The following NOL10 variants were observed in gnomAD, a reference collection of about 807,000 sequenced individuals.
The protein encoded by NOL10 is nucleolar protein 10.
NOL10 carries 58 observed loss-of-function variants against 103.5 expected under a neutral mutation model. That is an observed-to-expected ratio of 0.56 (90% CI 0.45 to 0.70). The LOEUF is 0.70. Ranked by LOEUF, NOL10 falls within the 30% of genes least tolerant of loss-of-function variation. The pLI is 0.00. For missense variants in NOL10, 763 were observed against 807.3 expected, an observed-to-expected ratio of 0.95 and a Z score of 0.67; for synonymous variants, 287 against 282.5, an observed-to-expected ratio of 1.02 and a Z score of -0.16.
At chr2:10,627,699 C>CAAAAA (rs111536913) in intron 13 of NOL10, among the ~76,000 whole-genome samples, 1 of 135,192 alleles carries the variant, frequency 7.4e-6, no homozygotes, top group East Asian at 2.0e-4. Context: ...AACAAACAAA[C>CAAAAA]AAAAAAAAAC....
intron 11 of NOL10, among the ~76,000 whole-genome samples, chr2:10,655,795 A>C (rs886464195): frequency 6.6e-6 from 1 of 152,250 alleles, no homozygotes; most frequent in African/African-American, 2.4e-5. Context: ...AAAGTCTGAC[A>C]CTAGGATGGA....
chr2:10,676,329 A>C (rs1681304124), intron 3 of NOL10, among the ~76,000 whole-genome samples: 1 of 152,232 alleles, frequency 6.6e-6, no homozygotes, highest in Non-Finnish European at 1.5e-5. Context: ...ACAGAAATAT[A>C]TCCACAAGCC....
chr2:10,633,759 C>T (rs1217528560), intron 13 of NOL10, among the ~76,000 whole-genome samples: 1 of 151,664 alleles, frequency 6.6e-6, no homozygotes, highest in African/African-American at 2.4e-5. Context: ...AGAAGAGTAA[C>T]ACAATCTGAT....
intron 12 of NOL10, among the ~76,000 whole-genome samples, chr2:10,645,944 T>TACACACACACACACAC (rs57494359): frequency 2.7e-5 from 4 of 147,680 alleles, no homozygotes; most frequent in African/African-American, 9.9e-5. Flanking sequence ...CACACACACA[T>TACACACACACACACAC]ACACACACAC....
chr2:10,610,800 A>G (rs1676523254), intron 13 of NOL10, among the ~76,000 whole-genome samples: 1 of 152,142 alleles, frequency 6.6e-6, no homozygotes, highest in African/African-American at 2.4e-5. Flanking sequence ...GAAATATATT[A>G]ATTTACTTTC....
chr2:10,650,063 T>C (rs1007635885), intron 12 of NOL10, among the ~76,000 whole-genome samples: 1 of 152,252 alleles, frequency 6.6e-6, no homozygotes, highest in Non-Finnish European at 1.5e-5. Context: ...TTAAGAATGT[T>C]TTCTGACCAA....
intron 1 of NOL10, among the ~76,000 whole-genome samples, chr2:10,687,820 G>A (rs1682323468): frequency 1.3e-5 from 2 of 152,172 alleles, no homozygotes; most frequent in Admixed American, 1.3e-4. Flanking sequence ...TGGTGTGGTG[G>A]CACGTGCCTG....
intron 1 of NOL10, among the ~76,000 whole-genome samples, chr2:10,687,682 G>C (rs1682311560): frequency 6.6e-6 from 1 of 152,176 alleles, no homozygotes. Context: ...CCTTGGGCCG[G>C]GTGCAGTGGC....
intron 13 of NOL10, among the ~76,000 whole-genome samples, chr2:10,612,015 C>T (rs1263592944): frequency 6.6e-6 from 1 of 152,026 alleles, no homozygotes; most frequent in African/African-American, 2.4e-5. Context: ...AATATTATCC[C>T]AGGAGGGTGA....
chr2:10,655,862 C>G (rs1273608281), intron 11 of NOL10, among the ~76,000 whole-genome samples: 2 of 152,138 alleles, frequency 1.3e-5, no homozygotes, highest in Non-Finnish European at 2.9e-5. Flanking sequence ...TGGTTTGTGT[C>G]CGATGAAGAA....
chr2:10,663,848 G>C (rs1010637342), intron 8 of NOL10, among the ~76,000 whole-genome samples: 1 of 151,654 alleles, frequency 6.6e-6, no homozygotes, highest in African/African-American at 2.4e-5. Flanking sequence ...TACTTGGGAG[G>C]CTGAGGCAGG....
In NOL10 at chr2:10,684,590, C is replaced by G. The variant is rs1445529358; in HGVS notation, c.89G>C (p.Arg30Thr). Reference sequence around the variant, plus strand: ...ACCTACATCTTTCTTCTGTAGCGCTCTCTTCTTCCTATCAGAAAGCCACTT... The same window carrying G: ...ACCTACATCTTTCTTCTGTAGCGCTGTCTTCTTCCTATCAGAAAGCCACTT... ...LPEWLSDRKK[R>T]ALQKKDVDVR... is the part of the protein sequence containing the mutation. The change falls in exon 2 of 21, where the codon AGA (arginine) becomes ACA (threonine). Residue 30 changes from arginine to threonine, a missense_variant. By Grantham distance (71) the Arg-to-Thr change is moderately conservative. Coordinates refer to ENST00000381685, the MANE Select transcript of NOL10 (RefSeq NM_024894.4). 1 of 1,573,010 alleles carries G rather than the reference C, an allele frequency of 6.4e-7. No individual in the cohort carries two copies. Among genetic ancestry groups the G allele is most frequent in the African/African-American group, 1.3e-5 (1 of 74,086 alleles).
chr2:10,689,813 C>T lies in NOL10; in HGVS notation c.49G>A (p.Gly17Ser). 1.2e-6 allele frequency: 2 copies of T among 1,606,374 alleles called. No homozygotes were observed. The highest frequency in any genetic ancestry group is 1.7e-5 in the Admixed American group (1 of 58,964). ...TGACTCACCTCAGGAAGGGACTTGC[C>T]GCAGCTGAGGCTGTAAATCTTCACC... is the stretch of plus-strand genomic sequence containing the variant. The part of the protein sequence containing the change: ...NEVKIYSLSC[G>S]KSLPEWLSDR... The change falls in exon 1 of 21, where the codon GGC (glycine) becomes AGC (serine). Residue 17 changes from glycine to serine, a missense_variant. By Grantham distance (56) the Gly-to-Ser change is moderately conservative. Coordinates refer to ENST00000381685, the MANE Select transcript of NOL10 (RefSeq NM_024894.4).
intron 19 of NOL10, among the ~76,000 whole-genome samples, chr2:10,585,622 G>A (rs1375914191): frequency 6.6e-6 from 1 of 152,186 alleles, no homozygotes; most frequent in Non-Finnish European, 1.5e-5. Flanking sequence ...ATGGAGTGGA[G>A]TTGTCCCTTG....
chr2:10,632,213 A>G (rs925445624), intron 13 of NOL10, among the ~76,000 whole-genome samples: 13 of 152,218 alleles, frequency 8.5e-5, no homozygotes, highest in East Asian at 7.7e-4. Context: ...TGCTGAGGAT[A>G]TAACAGGGAA....
intron 19 of NOL10, among the ~76,000 whole-genome samples, chr2:10,584,142 C>T (rs1674904186): frequency 6.6e-6 from 1 of 152,234 alleles, no homozygotes; most frequent in South Asian, 2.1e-4. Flanking sequence ...GAATGCTCCA[C>T]TCTGCATCTT....
At chr2:10,595,511 G>A (rs1407569872) in intron 17 of NOL10, among the ~76,000 whole-genome samples, 1 of 152,082 alleles carries the variant, frequency 6.6e-6, no homozygotes, top group Admixed American at 6.5e-5. Flanking sequence ...TGCCCAGGCT[G>A]GTCTTGAACT....
chr2:10,684,732 G>A lies in NOL10; in HGVS notation c.67-120C>T. The A allele has an allele frequency of 1.3e-5, 9 of 682,074 alleles. No individual in the cohort carries two copies. In the Admixed American group the frequency reaches 2.1e-4, roughly 16 times the overall value. The allele number at this position is 682,074 out of a possible 1,614,324, so 42.3% of individuals were successfully genotyped here. On this transcript the variant is annotated intron_variant, in intron 1 of 20. Coordinates refer to ENST00000381685, the MANE Select transcript of NOL10 (RefSeq NM_024894.4). ...AACTTCATAGGAATATATAACATAG[G>A]AAGCAAAAAATATTCTCTAATCCTA...
chr2:10,579,640 C>A lies in NOL10; in HGVS notation c.1845-1902G>T, dbSNP rs564078075. Among the ~76,000 whole-genome samples, 13 of 150,862 alleles carry A rather than the reference C, an allele frequency of 8.6e-5. No individual in the cohort carries two copies. In the South Asian group the frequency reaches 2.5e-3, roughly 29 times the overall value. Reference sequence around the variant, plus strand: ...TGCATGTGAATTATGTGAGCCTCAGCAAATCCCTCAACCTGTTCATGTCAT... The same window carrying A: ...TGCATGTGAATTATGTGAGCCTCAGAAAATCCCTCAACCTGTTCATGTCAT... On this transcript the variant is annotated intron_variant, in intron 19 of 20. Transcript: ENST00000381685.
Sources: allele counts gnomAD v4.1 joint callset (sites outside exome capture counted in the v4.1 genomes callset), GRCh38; gene constraint gnomAD v4.1.1; transcripts MANE v1.5; gene names NCBI Gene and HGNC (gene_info 2026-07-23, HGNC 2026-07-21).